The following PAPLN variants were observed in gnomAD, a reference collection of about 807,000 sequenced individuals.
PAPLN encodes the protein papilin.
In PAPLN, 146 loss-of-function variants were observed where a neutral mutation model predicts 159.0. The ratio of observed to expected loss-of-function variants is 0.92; its 90% CI spans 0.80 to 1.05. PAPLN has a LOEUF of 1.05. PAPLN is among the 50% of genes least tolerant of loss of function. The probability of loss-of-function intolerance (pLI) is 0.00; values close to 1 mark genes in which losing one functional copy is unlikely to be tolerated. For missense variants in PAPLN, 1,720 were observed against 1,743.9 expected, an observed-to-expected ratio of 0.99 and a Z score of 0.24; for synonymous variants, 734 against 702.9, an observed-to-expected ratio of 1.04 and a Z score of -0.70.
Position 73,237,942 on chromosome 14 carries a change from A to G in PAPLN, c.-7+350A>G, listed in dbSNP as rs541372573. 3.9e-3 allele frequency among the ~76,000 whole-genome samples: 587 copies of G among 152,180 alleles called. 3 individuals carry two copies. Among genetic ancestry groups the G allele is most frequent in the Middle Eastern group, 0.021 (6 of 292 alleles). On this transcript the variant is annotated intron_variant, in intron 1 of 26. Coordinates refer to ENST00000644200, the MANE Select transcript of PAPLN (RefSeq NM_001365906.3). ...CTGGAGACCGTGCGCCCCTCCCGGG[A>G]GGTGCCACTGGGCCGCGGGCCTGGA... is the stretch of plus-strand genomic sequence containing the variant.
intron 5 of PAPLN, among the ~76,000 whole-genome samples, chr14:73,246,397 ATTTTTTTTTTT>A (rs531973214): frequency 3.5e-5 from 3 of 84,648 alleles, no homozygotes; most frequent in African/African-American, 8.8e-5. Flanking sequence ...TACCCGACCA[ATTTTTTTTTTT>A]TTTTTTTTTT....
rs1885704231 is a variant in PAPLN, at chr14:73,254,767, C to A, written c.1485+72C>A. On this transcript the variant is annotated intron_variant, in intron 13 of 26. Coordinates refer to ENST00000644200, the MANE Select transcript of PAPLN (RefSeq NM_001365906.3). ...GCAGGTGGCTGCACCCGAGCGCCGT[C>A]CTTGGACCTGACACGCGCCACTGGG... The A allele has an allele frequency of 2.5e-6, 4 of 1,592,754 alleles. No homozygotes were observed. In the South Asian group the frequency reaches 4.5e-5, roughly 18 times the overall value.
rs559088198 is a variant in PAPLN at position 73,241,023 on chromosome 14, A to G, written c.54+1191A>G. On this transcript the variant is annotated intron_variant, in intron 2 of 26. Transcript: ENST00000644200. ...CTGCCATGGGGAGGTCGGGGGGGGG[A>G]TGCCACGTCTGGCATCTGTGGGCGG... is the stretch of plus-strand genomic sequence containing the variant. Among the ~76,000 whole-genome samples, 989 of 149,614 alleles carry G rather than the reference A, an allele frequency of 6.6e-3. 16 individuals are homozygous for G. The highest frequency in any genetic ancestry group is 0.065 in the South Asian group (305 of 4,708).
chr14:73,244,553 A>C, intron 2 of PAPLN, 91 bp from the exon 3 acceptor site: 4 of 1,044,510 alleles, frequency 3.8e-6, no homozygotes, highest in Non-Finnish European at 5.8e-6. Context: ...CTTGATGGGT[A>C]GGGGAGGGTT....
rs770304842 is a variant in PAPLN at position 73,254,714 on chromosome 14, C to T, written c.1485+19C>T. 2.2e-5 allele frequency: 36 copies of T among 1,609,628 alleles called. 1 individual carries two copies. The highest frequency in any genetic ancestry group is 4.5e-5 in the East Asian group (2 of 44,816). ...GGGTCTAGTGAGTGCTCTCCACCCCCACACCTGCTGCCTGACCCTGGTCTC... is the reference window on the plus strand; with the variant it reads ...GGGTCTAGTGAGTGCTCTCCACCCCTACACCTGCTGCCTGACCCTGGTCTC... On this transcript the variant is annotated intron_variant, in intron 13 of 26. Transcript: ENST00000644200.
Position 73,250,049 on chromosome 14 carries a change from G to T in PAPLN, c.400G>T (p.Ala134Ser). 6.2e-7 allele frequency: 1 copy of T among 1,613,456 alleles called. No homozygotes were observed. Among genetic ancestry groups the T allele is most frequent in the Non-Finnish European group, 8.5e-7 (1 of 1,179,726 alleles). The change falls in exon 6 of 27, where the codon GCT (alanine) becomes TCT (serine). Residue 134 changes from alanine to serine, a missense_variant. By Grantham distance (99) the Ala-to-Ser change is moderately conservative. Coordinates refer to ENST00000644200, the MANE Select transcript of PAPLN (RefSeq NM_001365906.3). ...GENFYYKHRE[A>S]VVDGTPCEPG... The stretch of plus-strand genomic sequence containing the variant: ...GAACTTCTACTACAAGCACAGGGAG[G>T]CTGTGGTTGATGGGACGCCCTGCGA...
At position 73,246,296 on chromosome 14, in the gene PAPLN, G is replaced by A. The variant is rs951264257; in HGVS notation, c.334+121G>A. ...TATATATATTAGAGACAGTCTCACTGTGTTGCCCAGGCTGGTCTTGAACTC... is the reference window on the plus strand; with the variant it reads ...TATATATATTAGAGACAGTCTCACTATGTTGCCCAGGCTGGTCTTGAACTC... On this transcript the variant is annotated intron_variant, in intron 5 of 26. Transcript: ENST00000644200. 8.5e-5 allele frequency: 75 copies of A among 879,328 alleles called. No individual in the cohort carries two copies. In the East Asian group the frequency reaches 2.4e-3, roughly 28 times the overall value. The allele number at this position is 879,328 out of a possible 1,614,324, so 54.5% of individuals were successfully genotyped here. A position where few individuals can be genotyped will look rare whatever the true frequency, so the allele number is the denominator to read the frequency against.
At chr14:73,254,856 T>C (rs779591503) in intron 13 of PAPLN, 21 bp from the exon 14 acceptor site, 19 of 1,609,064 alleles carry the variant, frequency 1.2e-5, no homozygotes, top group Non-Finnish European at 1.5e-5. Flanking sequence ...CATCTCTCTC[T>C]CTCCCACTCG....
chr14:73,239,424 T>C (rs1388611237), intron 1 of PAPLN, among the ~76,000 whole-genome samples: 1 of 152,288 alleles, frequency 6.6e-6, no homozygotes, highest in African/African-American at 2.4e-5. Context: ...GGAATCTTGC[T>C]GAATTAAAAG....
chr14:73,245,526 T>A lies in PAPLN; in HGVS notation c.171-110T>A. 1 of 1,235,262 alleles carries A rather than the reference T, an allele frequency of 8.1e-7. No individual in the cohort carries two copies. The highest frequency in any genetic ancestry group is 2.6e-5 in the East Asian group (1 of 38,738). 76.5% of individuals were successfully genotyped at this position (1,235,262 alleles called of 1,614,324 possible). A position where few individuals can be genotyped will look rare whatever the true frequency, so the allele number is the denominator to read the frequency against. On this transcript the variant is annotated intron_variant, in intron 3 of 26. Transcript: ENST00000644200. This position sits in a 1 kb window ranked among gnomAD's most constrained non-coding sequence, Gnocchi z 4.2. ...GGGGTCGGGGGACACCCTCTCACCTTGCTGCTCCCACTGGAGAGTCCCGCA... is the reference window on the plus strand; with the variant it reads ...GGGGTCGGGGGACACCCTCTCACCTAGCTGCTCCCACTGGAGAGTCCCGCA...
At chr14:73,257,345 A>G (rs1419595097) in intron 14 of PAPLN, among the ~76,000 whole-genome samples, 2 of 152,070 alleles carry the variant, frequency 1.3e-5, no homozygotes, top group African/African-American at 2.4e-5. Flanking sequence ...GAAGCACGCA[A>G]ATAGAAGGGA....
chr14:73,256,230 T>C (rs1448916618), intron 14 of PAPLN, among the ~76,000 whole-genome samples: 3 of 152,038 alleles, frequency 2.0e-5, no homozygotes, highest in Admixed American at 6.5e-5. Context: ...AGGACCCATA[T>C]AGAAAGGAAG....
At chr14:73,250,256 C>G in intron 6 of PAPLN, 142 bp downstream of exon 6, 1 of 1,173,962 alleles carries the variant, frequency 8.5e-7, no homozygotes, top group Non-Finnish European at 1.1e-6. Context: ...AGCCCAGCTC[C>G]TAGGGTACCT....
At chr14:73,254,375 G>C (rs1885644468) in intron 12 of PAPLN, 138 bp from the exon 13 acceptor site, 6 of 1,048,554 alleles carry the variant, frequency 5.7e-6, no homozygotes, top group Non-Finnish European at 8.4e-6. Flanking sequence ...GAGTGAGTCA[G>C]CCTCTCTGGG....
At chr14:73,250,885 C>T (rs1885171851) in intron 6 of PAPLN, 22 bp from the exon 7 acceptor site, 1 of 1,598,450 alleles carries the variant, frequency 6.3e-7, no homozygotes. Flanking sequence ...GTCTCCCCTG[C>T]CTCCCGCATC....
rs1386653021 is a variant in PAPLN at position 73,248,251 on chromosome 14, G to A, written c.335-1733G>A. Among the ~76,000 whole-genome samples, 12 of 142,342 alleles carry A rather than the reference G, an allele frequency of 8.4e-5. No homozygotes were observed. The East Asian group carries it at 2.3e-3, about 27-fold the overall frequency. 93.4% of individuals were successfully genotyped at this position (142,342 alleles called of 152,430 possible). On this transcript the variant is annotated intron_variant, in intron 5 of 26. Transcript: ENST00000644200. The stretch of plus-strand genomic sequence containing the variant: ...CCAGTGGGAGTCTCATATCCTCTAT[G>A]TGTGTGTGTGTGTGTGTGTGTGTTG...
rs1883974494 is a variant in PAPLN, at chr14:73,244,580, TG to T, written c.55-62del. ...GGGAGGGTTTTAGGCAGAGCATCTTTGGAGGGGCCTCTGGGCTCAGGCTGTG... is the reference window on the plus strand; with the variant it reads ...GGGAGGGTTTTAGGCAGAGCATCTTTGAGGGGCCTCTGGGCTCAGGCTGTG... On this transcript the variant is annotated intron_variant, in intron 2 of 26. Coordinates refer to ENST00000644200, the MANE Select transcript of PAPLN (RefSeq NM_001365906.3). 58 of 1,380,232 alleles carry T rather than the reference TG, an allele frequency of 4.2e-5. No homozygotes were observed. In the South Asian group the frequency reaches 7.2e-4, roughly 17 times the overall value. The allele number at this position is 1,380,232 out of a possible 1,614,324, so 85.5% of individuals were successfully genotyped here.
At chr14:73,255,297 C>A (rs1456485150) in intron 14 of PAPLN, among the ~76,000 whole-genome samples, 1 of 152,188 alleles carries the variant, frequency 6.6e-6, no homozygotes, top group South Asian at 2.1e-4. Flanking sequence ...CCCTTAGATT[C>A]ATTTCCTTGT....
intron 2 of PAPLN, among the ~76,000 whole-genome samples, chr14:73,241,734 G>A (rs922154035): frequency 1.3e-5 from 2 of 152,238 alleles, no homozygotes; most frequent in African/African-American, 4.8e-5. Context: ...CACCTTCTCT[G>A]GATCACTTAT....
Sources: gnomAD v4.1 joint callset for allele counts (sites outside exome capture counted in the v4.1 genomes callset) on GRCh38, gnomAD v4.1.1 for gene constraint, Gnocchi (gnomAD v3.1) non-coding constraint, MANE v1.5 for transcripts, NCBI Gene and HGNC (gene_info 2026-07-23, HGNC 2026-07-21) for gene names.